Variants in APBA1 observed in about 807,000 individuals in gnomAD.
APBA1 encodes the protein amyloid beta precursor protein binding family A member 1.
In APBA1, 55 loss-of-function variants were observed where a neutral mutation model predicts 86.6. The ratio of observed to expected loss-of-function variants is 0.64; its 90% CI spans 0.51 to 0.80. The LOEUF (loss-of-function observed/expected upper bound fraction) is 0.80, where lower values mean the gene tolerates loss of function less well. Among genes scored for constraint, APBA1 ranks in the 30% least tolerant of loss-of-function variants. The pLI is 0.00. For missense variants in APBA1, 1,090 were observed against 1,183.0 expected (o/e 0.92, Z 1.15); for synonymous variants, 511 against 493.9 (o/e 1.03, Z -0.46).
chr9:69,613,784 G>A (rs1822640422), intron 1 of APBA1, among the ~76,000 whole-genome samples: 1 of 152,094 alleles, frequency 6.6e-6, no homozygotes, highest in South Asian at 2.1e-4. Flanking sequence ...CCCTGCTCAA[G>A]ATATAGTTTT....
chr9:69,615,637 AG>A lies in APBA1; in HGVS notation c.-70+56515del, dbSNP rs1266318702. ...CCTATGTCATCAATGTAAAGATAAA[AG>A]GTTATATTTCCAAGGAAATGCTATA... On this transcript the variant is annotated intron_variant, in intron 1 of 12. Transcript: ENST00000265381. Among the ~76,000 whole-genome samples the A allele has an allele frequency of 5.3e-5, 8 of 152,338 alleles. No individual in the cohort carries two copies. The South Asian group carries it at 1.2e-3, about 24-fold the overall frequency.
In APBA1 at chr9:69,471,647, A is replaced by T; in HGVS notation, c.1336+9T>A. On this transcript the variant is annotated intron_variant, in intron 4 of 12. Transcript: ENST00000265381. ...ACTCAGTGCTCAGTATTTTCTTTTCAGCTCTTACCTTCAACGTAGGTTGGG... is the reference window on the plus strand; with the variant it reads ...ACTCAGTGCTCAGTATTTTCTTTTCTGCTCTTACCTTCAACGTAGGTTGGG... 6.2e-7 allele frequency: 1 copy of T among 1,612,212 alleles called. No homozygotes were observed. The highest frequency in any genetic ancestry group is 8.5e-7 in the Non-Finnish European group (1 of 1,178,540).
At chr9:69,655,749 C>T (rs1823595741) in intron 1 of APBA1, among the ~76,000 whole-genome samples, 1 of 151,626 alleles carries the variant, frequency 6.6e-6, no homozygotes, top group Non-Finnish European at 1.5e-5. Flanking sequence ...ACAAAAGACT[C>T]CAAGTAACCA....
At chr9:69,656,138 G>A (rs1462279519) in intron 1 of APBA1, among the ~76,000 whole-genome samples, 2 of 152,176 alleles carry the variant, frequency 1.3e-5, no homozygotes, top group Non-Finnish European at 2.9e-5. Context: ...TATCACCAAC[G>A]TGGAACCAAC....
At chr9:69,559,382 C>T (rs1836914516) in intron 1 of APBA1, among the ~76,000 whole-genome samples, 1 of 152,188 alleles carries the variant, frequency 6.6e-6, no homozygotes. Flanking sequence ...ATCACACTCT[C>T]ATGCCCCTTC....
intron 5 of APBA1, among the ~76,000 whole-genome samples, chr9:69,460,104 A>G (rs1835165191): frequency 6.6e-6 from 1 of 152,206 alleles, no homozygotes; most frequent in Non-Finnish European, 1.5e-5. Flanking sequence ...CTGTTTCATT[A>G]GTGACTAAAA....
chr9:69,630,371 G>A (rs1381512115), intron 1 of APBA1, among the ~76,000 whole-genome samples: 1 of 152,096 alleles, frequency 6.6e-6, no homozygotes, highest in African/African-American at 2.4e-5. Context: ...CTGCTACATT[G>A]TTATCCTCTT....
chr9:69,472,973 A>G (rs1286872656), intron 3 of APBA1, among the ~76,000 whole-genome samples: 1 of 152,234 alleles, frequency 6.6e-6, no homozygotes, highest in Non-Finnish European at 1.5e-5. Flanking sequence ...ATTCAGGATA[A>G]TGACAATTCA....
chr9:69,631,100 G>T (rs1283944454), intron 1 of APBA1, among the ~76,000 whole-genome samples: 2 of 152,192 alleles, frequency 1.3e-5, no homozygotes, highest in Admixed American at 1.3e-4. Flanking sequence ...TCTGGCCAAT[G>T]CCTGGTACTT....
intron 11 of APBA1, among the ~76,000 whole-genome samples, chr9:69,433,540 CAT>C (rs1351812834): frequency 3.3e-5 from 5 of 152,208 alleles, no homozygotes; most frequent in Non-Finnish European, 7.3e-5. Context: ...TGGACCCACA[CAT>C]GTTAACAACT....
At chr9:69,465,293 G>T (rs1006233362) in intron 5 of APBA1, 1 of 152,318 alleles carries the variant, frequency 6.6e-6, no homozygotes, top group Non-Finnish European at 1.5e-5. Context: ...CCAGGCTTTT[G>T]TGCTTCCACC....
chr9:69,643,042 A>ACC (rs764308484), intron 1 of APBA1, among the ~76,000 whole-genome samples: 3 of 148,152 alleles, frequency 2.0e-5, no homozygotes, highest in African/African-American at 7.5e-5. Flanking sequence ...ACACACACAC[A>ACC]CCCCTCCTCC....
At chr9:69,454,137 CCTT>C (rs1410118712) in intron 8 of APBA1, among the ~76,000 whole-genome samples, 2 of 152,198 alleles carry the variant, frequency 1.3e-5, no homozygotes, top group African/African-American at 4.8e-5. Context: ...CCTAAAAGCA[CCTT>C]ATTAACAGCA....
At chr9:69,588,623 T>C (rs1442061533) in intron 1 of APBA1, among the ~76,000 whole-genome samples, 1 of 152,162 alleles carries the variant, frequency 6.6e-6, no homozygotes, top group Non-Finnish European at 1.5e-5. Flanking sequence ...TTGTTAAAGA[T>C]CCATGTGGAG....
chr9:69,441,384 G>T (rs1834821316), intron 10 of APBA1, among the ~76,000 whole-genome samples: 1 of 152,222 alleles, frequency 6.6e-6, no homozygotes, highest in Non-Finnish European at 1.5e-5. Flanking sequence ...TTTGGGAAGT[G>T]GGCTGGGTTC....
chr9:69,568,118 T>C (rs1419853163), intron 1 of APBA1, among the ~76,000 whole-genome samples: 1 of 152,072 alleles, frequency 6.6e-6, no homozygotes, highest in Non-Finnish European at 1.5e-5. Flanking sequence ...ACTGCCTGGG[T>C]AGGAGACACA....
At chr9:69,529,403 C>T (rs1444012695) in intron 1 of APBA1, among the ~76,000 whole-genome samples, 3 of 152,006 alleles carry the variant, frequency 2.0e-5, no homozygotes, top group Admixed American at 6.6e-5. Flanking sequence ...CCTCCCAAGA[C>T]AATCAATTCT....
chr9:69,615,789 A>G (rs1225697234), intron 1 of APBA1, among the ~76,000 whole-genome samples: 1 of 152,216 alleles, frequency 6.6e-6, no homozygotes, highest in African/African-American at 2.4e-5. Context: ...GAATTATTAA[A>G]AACAGAAGCT....
chr9:69,649,973 G>C (rs563420565), intron 1 of APBA1, among the ~76,000 whole-genome samples: 1 of 152,318 alleles, frequency 6.6e-6, no homozygotes, highest in East Asian at 1.9e-4. Flanking sequence ...AACTGCTACA[G>C]CTTTAATCCA....
Sources: gnomAD v4.1 joint callset for allele counts (sites outside exome capture counted in the v4.1 genomes callset) on GRCh38, gnomAD v4.1.1 for gene constraint, MANE v1.5 for transcripts, NCBI Gene and HGNC (gene_info 2026-07-23, HGNC 2026-07-21) for gene names.